SLC44A2: variants seen among roughly 807,000 people sequenced by gnomAD.
The protein encoded by SLC44A2 is choline transporter-like protein 2.
SLC44A2 carries 57 observed loss-of-function variants against 90.8 expected under a neutral mutation model. The ratio of observed to expected loss-of-function variants is 0.63; its 90% CI spans 0.51 to 0.78. The LOEUF (loss-of-function observed/expected upper bound fraction) is 0.78. Ranked by LOEUF, SLC44A2 falls within the 30% of genes least tolerant of loss-of-function variation. SLC44A2 has a pLI of 0.00. For missense variants in SLC44A2, 794 were observed against 919.7 expected, an observed-to-expected ratio of 0.86 and a Z score of 1.77; for synonymous variants, 355 against 360.7, an observed-to-expected ratio of 0.98 and a Z score of 0.18.
intron 1 of SLC44A2, among the ~76,000 whole-genome samples, chr19:10,616,120 A>G (rs906468025): frequency 6.6e-6 from 1 of 151,440 alleles, no homozygotes; most frequent in Non-Finnish European, 1.5e-5. Context: ...AGCCTGGGTG[A>G]CAGTGAGACC....
intron 10 of SLC44A2, among the ~76,000 whole-genome samples, chr19:10,634,442 C>T (rs972384449): frequency 3.6e-5 from 5 of 140,210 alleles, no homozygotes; most frequent in African/African-American, 1.3e-4. Context: ...CCAGCCTGGG[C>T]AACAAGAGTG....
At chr19:10,613,734 C>A (rs945434894) in intron 1 of SLC44A2, among the ~76,000 whole-genome samples, 1 of 151,998 alleles carries the variant, frequency 6.6e-6, no homozygotes, top group African/African-American at 2.4e-5. Flanking sequence ...CATGGAACGA[C>A]GGAAGCGAGG....
In SLC44A2 at chr19:10,631,385, A is replaced by C; in HGVS notation, c.441A>C (p.Lys147Asn). 1 of 1,614,138 alleles carries C rather than the reference A, an allele frequency of 6.2e-7. No individual in the cohort carries two copies. Among genetic ancestry groups the C allele is most frequent in the South Asian group, 1.1e-5 (1 of 91,084 alleles). ...GTGTTCCTGGCTTCAAGAACAATAA[A>C]GTGAGTTGTAGACTGTCCTGAGAGC... is the stretch of plus-strand genomic sequence containing the variant. Reference protein sequence around the residue: ...QFCVPGFKNNKGVAEVLQDGD... With the variant: ...QFCVPGFKNNNGVAEVLQDGD... The change falls in exon 6 of 22, where the codon AAA becomes AAC. Residue 147 changes from lysine to asparagine, a missense_variant and splice_region_variant. Physicochemically the swap from Lys to Asn is moderately conservative, Grantham distance 94. Transcript: ENST00000335757.
At chr19:10,617,204 G>A (rs749208921) in intron 1 of SLC44A2, among the ~76,000 whole-genome samples, 3 of 151,840 alleles carry the variant, frequency 2.0e-5, no homozygotes, top group Non-Finnish European at 4.4e-5. Context: ...ACAGGCATGA[G>A]CAACCACGCC....
intron 20 of SLC44A2, chr19:10,641,203 G>C: frequency 2.9e-6 from 1 of 347,436 alleles, no homozygotes. Context: ...AAACAGCCTG[G>C]GCAACATGGC....
rs2067079929 is a variant in SLC44A2, at chr19:10,638,219, T to C, written c.1841-8T>C. ...CCTTCGCCATCTTGCTTTCTTCTCC[T>C]TCTCCAGGGATCCTGGCTTTCTTCT... On this transcript the variant is annotated splice_region_variant and splice_polypyrimidine_tract_variant and intron_variant, in intron 19 of 21. Coordinates refer to ENST00000335757, the MANE Select transcript of SLC44A2 (RefSeq NM_020428.4). The C allele has an allele frequency of 2.5e-6, 4 of 1,614,104 alleles. No homozygotes were observed. The highest frequency in any genetic ancestry group is 3.4e-6 in the Non-Finnish European group (4 of 1,180,004).
In SLC44A2 at chr19:10,607,286, G is replaced by A. The variant is rs150453111; in HGVS notation, c.31+4725G>A. 6.6e-5 allele frequency among the ~76,000 whole-genome samples: 10 copies of A among 151,982 alleles called. No individual in the cohort carries two copies. In the East Asian group the frequency reaches 1.7e-3, roughly 26 times the overall value. ...ATACAAAAGATACAAAAGATGTTAC[G>A]GCTTTGAGATGAAAGTTTCCCTCTT... On this transcript the variant is annotated intron_variant, in intron 1 of 21. Coordinates refer to the SLC44A2 transcript ENST00000407327.
intron 1 of SLC44A2, 91 bp downstream of exon 1, chr19:10,625,761 T>C: frequency 9.0e-7 from 1 of 1,115,780 alleles, no homozygotes; most frequent in Admixed American, 4.1e-5. Flanking sequence ...GGAAGGGGGC[T>C]GGAGGGGGAG....
chr19:10,638,128 G>C, intron 19 of SLC44A2, 35 bp downstream of exon 19: 1 of 1,613,730 alleles, frequency 6.2e-7, no homozygotes. Context: ...CGGGGTGTGG[G>C]AGCCTGATTT....
At chr19:10,613,254 T>C (rs1028546576) in intron 1 of SLC44A2, among the ~76,000 whole-genome samples, 2 of 148,802 alleles carry the variant, frequency 1.3e-5, no homozygotes, top group Non-Finnish European at 3.0e-5. Flanking sequence ...TTATTTTCTT[T>C]CTTTTTTTTT....
chr19:10,616,995 C>T (rs1296956803), intron 1 of SLC44A2, among the ~76,000 whole-genome samples: 1 of 152,058 alleles, frequency 6.6e-6, no homozygotes, highest in East Asian at 1.9e-4. Context: ...GATCTCGGCT[C>T]ACTGCAAGCT....
intron 1 of SLC44A2, among the ~76,000 whole-genome samples, chr19:10,611,118 G>A (rs781674362): frequency 6.6e-6 from 1 of 152,098 alleles, no homozygotes; most frequent in Non-Finnish European, 1.5e-5. Flanking sequence ...GGGGACTATA[G>A]GCATGTGCCT....
chr19:10,638,448 T>C, intron 20 of SLC44A2, 133 bp downstream of exon 20: 1 of 861,270 alleles, frequency 1.2e-6, no homozygotes, highest in East Asian at 2.5e-5. Context: ...CCACAAACTT[T>C]TTGTTTGTTT....
At chr19:10,619,436 A>G (rs1322070837) in intron 1 of SLC44A2, among the ~76,000 whole-genome samples, 4 of 149,806 alleles carry the variant, frequency 2.7e-5, no homozygotes, top group Non-Finnish European at 5.9e-5. Flanking sequence ...TCAGAAAAAA[A>G]AAAAAAAAGT....
At chr19:10,630,317 G>A (rs759312846) in intron 4 of SLC44A2, among the ~76,000 whole-genome samples, 6 of 151,624 alleles carry the variant, frequency 4.0e-5, no homozygotes, top group Admixed American at 2.0e-4. Context: ...GCCACTGCTC[G>A]CTCTGTCTGG....
chr19:10,629,259 A>AATTATTATTATTATT (rs1555760477), intron 4 of SLC44A2, among the ~76,000 whole-genome samples: 4 of 39,126 alleles, frequency 1.0e-4, no homozygotes, highest in Non-Finnish European at 2.0e-4. Flanking sequence ...GCAGTTTTTA[A>AATTATTATTATTATT]ACTATTATTA....
upstream of SLC44A2, among the ~76,000 whole-genome samples, chr19:10,621,430 T>TG (rs973836831): frequency 2.1e-5 from 3 of 142,566 alleles, no homozygotes; most frequent in South Asian, 2.2e-4. Flanking sequence ...GTGTTTTTTT[T>TG]TTTTTTTTTT....
chr19:10,622,025 G>A (rs138645423), upstream of SLC44A2, among the ~76,000 whole-genome samples: 533 of 152,340 alleles, frequency 3.5e-3, 4 homozygotes, highest in African/African-American at 0.012. Flanking sequence ...GCCTCCCCAA[G>A]TGCTAAGATG....
chr19:10,602,521 C>T (rs1206289815), exon 1 of SLC44A2: 5 of 1,273,690 alleles, frequency 3.9e-6, no homozygotes, highest in Non-Finnish European at 3.0e-6. Context: ...CTCCCCGCCC[C>T]GCCGCGGCCA....
Sources: gnomAD v4.1 joint callset for allele counts (sites outside exome capture counted in the v4.1 genomes callset) on GRCh38, gnomAD v4.1.1 for gene constraint, MANE v1.5 for transcripts, NCBI Gene and HGNC (gene_info 2026-07-23, HGNC 2026-07-21) for gene names.